Variants in ZNF704 observed in about 807,000 individuals in gnomAD.
The protein encoded by ZNF704 is glucocorticoid induced gene 1.
Under a neutral mutation model 44.7 loss-of-function variants are expected in ZNF704, and 10 were observed. The observed-to-expected ratio is 0.22, with a 90% CI of 0.14 to 0.38. The LOEUF is 0.38. Among genes scored for constraint, ZNF704 ranks in the 10% least tolerant of loss-of-function variants. ZNF704 has a pLI of 1.00. For missense variants in ZNF704, 390 were observed against 545.5 expected (o/e 0.71, Z 2.84); for synonymous variants, 211 against 207.6 (o/e 1.02, Z -0.14).
At chr8:80,839,494 AAT>A (rs1323817910) in intron 1 of ZNF704, among the ~76,000 whole-genome samples, 1 of 152,234 alleles carries the variant, frequency 6.6e-6, no homozygotes, top group Non-Finnish European at 1.5e-5. Flanking sequence ...GACTAAATAA[AAT>A]ATGTTAATAA....
At chr8:80,883,074 C>CAAAAAAA in the ZNF704 span, among the ~76,000 whole-genome samples, 1 of 43,202 alleles carries the variant, frequency 2.3e-5, no homozygotes, top group African/African-American at 8.7e-5. Context: ...CCTGTCTCTA[C>CAAAAAAA]AAAAAAAAAA....
intron 1 of ZNF704, among the ~76,000 whole-genome samples, chr8:80,856,948 T>C (rs748757879): frequency 7.9e-5 from 12 of 152,302 alleles, no homozygotes; most frequent in Admixed American, 2.0e-4. Context: ...TCTGGAGAAC[T>C]GACATCTTAA....
intron 2 of ZNF704, among the ~76,000 whole-genome samples, chr8:80,795,718 C>CA (rs10612734): frequency 5.9e-4 from 67 of 113,786 alleles, no homozygotes; most frequent in Middle Eastern, 4.4e-3. Flanking sequence ...AACTCCATCT[C>CA]AAAAAAAAAA....
At chr8:80,775,482 TAAAG>T (rs951522809) in intron 2 of ZNF704, among the ~76,000 whole-genome samples, 1 of 152,180 alleles carries the variant, frequency 6.6e-6, no homozygotes, top group African/African-American at 2.4e-5. Context: ...AAATAAATGA[TAAAG>T]AAATTTTCAG....
chr8:80,670,230 A>C (rs1269874051), intron 5 of ZNF704, among the ~76,000 whole-genome samples: 1 of 152,190 alleles, frequency 6.6e-6, no homozygotes, highest in Non-Finnish European at 1.5e-5. Flanking sequence ...ATTATTATAA[A>C]TTTCCATAGG....
intron 7 of ZNF704, among the ~76,000 whole-genome samples, chr8:80,654,167 T>C (rs1441547858): frequency 1.3e-5 from 2 of 151,812 alleles, no homozygotes; most frequent in African/African-American, 4.8e-5. Context: ...ATCCCTTCCT[T>C]ACACCTTATA....
intron 2 of ZNF704, among the ~76,000 whole-genome samples, chr8:80,715,787 T>C (rs1393770944): frequency 6.6e-6 from 1 of 152,128 alleles, no homozygotes; most frequent in African/African-American, 2.4e-5. Flanking sequence ...GATTAAGAAT[T>C]ATTGAGTCTG....
intron 2 of ZNF704, among the ~76,000 whole-genome samples, chr8:80,739,964 T>C (rs371761288): frequency 6.6e-6 from 1 of 152,116 alleles, no homozygotes; most frequent in Non-Finnish European, 1.5e-5. Context: ...TGCCAGCCCA[T>C]GCCATCACCC....
At chr8:80,689,123 T>C (rs1818590183) in intron 3 of ZNF704, among the ~76,000 whole-genome samples, 1 of 152,166 alleles carries the variant, frequency 6.6e-6, no homozygotes, top group Non-Finnish European at 1.5e-5. Flanking sequence ...ATTAAAACTA[T>C]GTTCTAACTA....
At chr8:80,787,107 C>T (rs1479875204) in intron 2 of ZNF704, among the ~76,000 whole-genome samples, 3 of 152,098 alleles carry the variant, frequency 2.0e-5, no homozygotes. Context: ...CTGCAATAAC[C>T]TCATGAAGAG....
intron 2 of ZNF704, among the ~76,000 whole-genome samples, chr8:80,754,238 G>A (rs1806997777): frequency 2.0e-5 from 3 of 151,992 alleles, no homozygotes; most frequent in South Asian, 4.1e-4. Flanking sequence ...ATACTAACGG[G>A]ACAGCCAGTA....
chr8:80,837,445 T>C (rs17474681), intron 1 of ZNF704, among the ~76,000 whole-genome samples: 8,596 of 152,172 alleles, frequency 0.056, 291 homozygotes, highest in Non-Finnish European at 0.076. Context: ...TGTAGAGAGA[T>C]TAAAAGGCAA....
chr8:80,704,711 G>A (rs1316355472), intron 2 of ZNF704, among the ~76,000 whole-genome samples: 3 of 152,208 alleles, frequency 2.0e-5, no homozygotes, highest in African/African-American at 4.8e-5. Flanking sequence ...TCCAGACAGC[G>A]GGACAAGTGG....
At position 80,687,101 on chromosome 8, in the gene ZNF704, G is replaced by A. The variant is rs61202091; in HGVS notation, c.558+125C>T. 23,181 of 750,960 alleles carry A rather than the reference G, an allele frequency of 0.031. 3,800 individuals carry two copies. In the African/African-American group the frequency reaches 0.36, roughly 12 times the overall value. 46.5% of individuals were successfully genotyped at this position (750,960 alleles called of 1,614,324 possible). A position where few individuals can be genotyped will look rare whatever the true frequency, so the allele number is the denominator to read the frequency against. ...AACTTCAAGAACATTAAAGAGGAACGTAAGCTGCTTCTTTCCACAGAAAGG... is the reference window on the plus strand; with the variant it reads ...AACTTCAAGAACATTAAAGAGGAACATAAGCTGCTTCTTTCCACAGAAAGG... On this transcript the variant is annotated intron_variant, in intron 4 of 8. Transcript: ENST00000327835.
intron 2 of ZNF704, among the ~76,000 whole-genome samples, chr8:80,747,184 A>AT (rs1806861400): frequency 6.6e-6 from 1 of 152,044 alleles, no homozygotes; most frequent in African/African-American, 2.4e-5. Context: ...AGTTCCTGGG[A>AT]TTTGCTAAAT....
intron 5 of ZNF704, among the ~76,000 whole-genome samples, chr8:80,665,481 C>T (rs1818175172): frequency 7.7e-6 from 1 of 129,772 alleles, no homozygotes; most frequent in Non-Finnish European, 1.6e-5. Context: ...AATGTGTATA[C>T]ATGGACACAG....
In ZNF704 at chr8:80,667,240, C is replaced by T. The variant is rs181091991; in HGVS notation, c.660-2158G>A. The stretch of plus-strand genomic sequence containing the variant: ...AAGGTCATCCAGGGCCTGCAGCCCA[C>T]GGCGATGGCTTTGGCTTGCATTCTG... On this transcript the variant is annotated intron_variant, in intron 5 of 8. Coordinates refer to ENST00000327835, the MANE Select transcript of ZNF704 (RefSeq NM_001033723.3). Among the ~76,000 whole-genome samples the T allele has an allele frequency of 1.3e-4, 20 of 152,278 alleles. No homozygotes were observed. In the East Asian group the frequency reaches 3.1e-3, roughly 24 times the overall value.
At chr8:80,724,581 C>T (rs1273958450) in intron 2 of ZNF704, among the ~76,000 whole-genome samples, 1 of 152,192 alleles carries the variant, frequency 6.6e-6, no homozygotes, top group East Asian at 1.9e-4. Context: ...TAAAACTGTA[C>T]TCCTGCCTGC....
chr8:80,865,739 G>A (rs891719808), intron 1 of ZNF704, among the ~76,000 whole-genome samples: 3 of 152,120 alleles, frequency 2.0e-5, no homozygotes, highest in Admixed American at 6.5e-5. Flanking sequence ...GGTATGGCAC[G>A]GAGACCTCCA....
Sources: allele counts gnomAD v4.1 joint callset (sites outside exome capture counted in the v4.1 genomes callset), GRCh38; gene constraint gnomAD v4.1.1; transcripts MANE v1.5; gene names NCBI Gene and HGNC (gene_info 2026-07-23, HGNC 2026-07-21).